FARS2: variants seen among roughly 807,000 people sequenced by gnomAD.
FARS2 encodes phenylalanine--tRNA ligase, mitochondrial.
FARS2 carries 40 observed loss-of-function variants against 46.4 expected under a neutral mutation model. That is an observed-to-expected ratio of 0.86 (90% CI 0.67 to 1.12). FARS2 has a LOEUF of 1.12. Ranked by LOEUF, FARS2 falls within the 50% of genes most tolerant of loss-of-function variation. The probability of loss-of-function intolerance (pLI) is 0.00; values close to 1 mark genes in which losing one functional copy is unlikely to be tolerated. For synonymous variants in FARS2, 234 were observed against 214.9 expected (o/e 1.09, Z -0.78); for missense variants, 513 against 567.9 (o/e 0.90, Z 0.98).
At chr6:5,255,810 C>T in the FARS2 span, among the ~76,000 whole-genome samples, 5 of 152,070 alleles carry the variant, frequency 3.3e-5, no homozygotes, top group African/African-American at 4.8e-5. Context: ...ATGCCTAGCA[C>T]CCCCTTTCCA....
At chr6:5,603,629 C>T (rs544222290) in intron 5 of FARS2, among the ~76,000 whole-genome samples, 2 of 152,308 alleles carry the variant, frequency 1.3e-5, no homozygotes, top group South Asian at 2.1e-4. Flanking sequence ...CTTGCAGGAG[C>T]GTTATCCCAG....
At chr6:5,732,330 G>C (rs894455027) in intron 6 of FARS2, among the ~76,000 whole-genome samples, 8 of 152,084 alleles carry the variant, frequency 5.3e-5, no homozygotes. Flanking sequence ...CAGTGACCCA[G>C]GTGTGTTCAG....
chr6:5,620,202 G>A (rs1301210604), intron 6 of FARS2, among the ~76,000 whole-genome samples: 6 of 151,770 alleles, frequency 4.0e-5, no homozygotes, highest in Non-Finnish European at 7.4e-5. Context: ...TACCGTGCAC[G>A]CGCACAGACA....
intron 4 of FARS2, among the ~76,000 whole-genome samples, chr6:5,451,046 T>TGA (rs1449319104): frequency 2.8e-4 from 43 of 152,322 alleles, no homozygotes; most frequent in Admixed American, 2.7e-3. Context: ...TGTAAACACT[T>TGA]CAGGGTTTTC....
At chr6:5,716,151 T>G (rs9392711) in intron 6 of FARS2, among the ~76,000 whole-genome samples, 1 of 151,962 alleles carries the variant, frequency 6.6e-6, no homozygotes, top group African/African-American at 2.4e-5. Flanking sequence ...AATACTCATA[T>G]AGTATACCTA....
intron 6 of FARS2, among the ~76,000 whole-genome samples, chr6:5,629,846 G>A (rs866327768): frequency 7.2e-5 from 11 of 152,184 alleles, no homozygotes; most frequent in Middle Eastern, 3.4e-3. Flanking sequence ...TATGGGAAAC[G>A]GGGCCAGTTC....
chr6:5,280,894 T>C (rs1208349472), intron 1 of FARS2, among the ~76,000 whole-genome samples: 2 of 152,206 alleles, frequency 1.3e-5, no homozygotes, highest in African/African-American at 4.8e-5. Context: ...GAAGATCTTA[T>C]GTTTTTAGTG....
intron 2 of FARS2, among the ~76,000 whole-genome samples, chr6:5,374,825 T>G (rs1448160403): frequency 6.6e-6 from 1 of 152,066 alleles, no homozygotes; most frequent in Non-Finnish European, 1.5e-5. Context: ...ATCATCTCAA[T>G]AGATATAGAA....
chr6:5,399,569 TA>T (rs1761130683), intron 2 of FARS2, among the ~76,000 whole-genome samples: 1 of 152,184 alleles, frequency 6.6e-6, no homozygotes. Flanking sequence ...TGCCATTCAT[TA>T]TACTCTATTC....
At chr6:5,731,982 C>T (rs1346306621) in intron 6 of FARS2, among the ~76,000 whole-genome samples, 1 of 152,214 alleles carries the variant, frequency 6.6e-6, no homozygotes. Context: ...CCCCCACACT[C>T]TCTGCCTCCC....
chr6:5,259,240 G>A (rs1285790709), upstream of FARS2, among the ~76,000 whole-genome samples: 3 of 152,170 alleles, frequency 2.0e-5, no homozygotes, highest in African/African-American at 7.2e-5. Flanking sequence ...CCAGACTATG[G>A]TGAAATCAAA....
At position 5,311,060 on chromosome 6, in the gene FARS2, T is replaced by A. The variant is rs1423177087; in HGVS notation, c.-22+49400T>A. 1.3e-5 allele frequency among the ~76,000 whole-genome samples: 2 copies of A among 152,188 alleles called. No individual in the cohort carries two copies. The highest frequency in any genetic ancestry group is 4.8e-5 in the African/African-American group (2 of 41,434). Reference sequence around the variant, plus strand: ...GCAAGGATGCTTATTTCAGCACTGGTTGTCACAGCAGAAACCTGGGAACAG... The same window carrying A: ...GCAAGGATGCTTATTTCAGCACTGGATGTCACAGCAGAAACCTGGGAACAG... On this transcript the variant is annotated intron_variant, in intron 1 of 6. Transcript: ENST00000274680. This position sits in a 1 kb window ranked among gnomAD's most constrained non-coding sequence, Gnocchi z 4.1.
intron 1 of FARS2, among the ~76,000 whole-genome samples, chr6:5,334,626 T>A (rs1771031662): frequency 6.6e-6 from 1 of 152,190 alleles, no homozygotes; most frequent in Admixed American, 6.5e-5. Flanking sequence ...CACAGCAGTT[T>A]GCTAATGTTT....
intron 6 of FARS2, among the ~76,000 whole-genome samples, chr6:5,711,135 GGGGAATGTCAAA>G (rs1759120010): frequency 6.6e-6 from 1 of 152,174 alleles, no homozygotes; most frequent in Non-Finnish European, 1.5e-5. Flanking sequence ...TTGGGGAATG[GGGGAATGTCAAA>G]GGGGAACAGG....
rs1452176054 is a variant in FARS2, at chr6:5,727,891, T to G, written c.1218-43400T>G. 1.3e-5 allele frequency among the ~76,000 whole-genome samples: 2 copies of G among 152,172 alleles called. No homozygotes were observed. The highest frequency in any genetic ancestry group is 2.4e-5 in the African/African-American group (1 of 41,440). On this transcript the variant is annotated intron_variant, in intron 6 of 6. Transcript: ENST00000274680. The surrounding 1 kb of genome is among the most constrained non-coding windows in gnomAD (Gnocchi z 4.1). ...TGAGCTTCCTGCCTCAAGGCAAAGG[T>G]TGAGTTGCCCGTGCAGCTGGGAGGG...
At chr6:5,488,033 T>G (rs1248525125) in intron 4 of FARS2, among the ~76,000 whole-genome samples, 2 of 152,196 alleles carry the variant, frequency 1.3e-5, no homozygotes, top group Non-Finnish European at 2.9e-5. Context: ...GAAGATTATT[T>G]CTTTTGGATT....
At chr6:5,253,623 T>C in the FARS2 span, among the ~76,000 whole-genome samples, 1 of 152,140 alleles carries the variant, frequency 6.6e-6, no homozygotes, top group East Asian at 1.9e-4. Flanking sequence ...CAAGAAGTTT[T>C]GCAAAGGAGA....
intron 1 of FARS2, among the ~76,000 whole-genome samples, chr6:5,321,884 A>G (rs1770001396): frequency 1.3e-5 from 2 of 152,224 alleles, no homozygotes; most frequent in East Asian, 1.9e-4. Flanking sequence ...TATGGGTGTT[A>G]TGACACACAC....
intron 5 of FARS2, among the ~76,000 whole-genome samples, chr6:5,565,947 G>A (rs1383785735): frequency 6.6e-6 from 1 of 152,136 alleles, no homozygotes; most frequent in African/African-American, 2.4e-5. Flanking sequence ...ACCCCAATTC[G>A]TTTACATGAA....
Sources: allele counts gnomAD v4.1 joint callset (sites outside exome capture counted in the v4.1 genomes callset), GRCh38; gene constraint gnomAD v4.1.1; non-coding constraint Gnocchi (gnomAD v3.1); transcripts MANE v1.5; gene names NCBI Gene and HGNC (gene_info 2026-07-23, HGNC 2026-07-21).